SEMA3E: variants seen among roughly 807,000 people sequenced by gnomAD.
The protein encoded by SEMA3E is semaphorin-3E.
SEMA3E carries 49 observed loss-of-function variants against 93.6 expected under a neutral mutation model. That is an observed-to-expected ratio of 0.52 (90% CI 0.42 to 0.66). The LOEUF (loss-of-function observed/expected upper bound fraction) is 0.66, where lower values mean the gene tolerates loss of function less well. Ranked by LOEUF, SEMA3E falls within the 30% of genes least tolerant of loss-of-function variation. The pLI, the probability that SEMA3E is intolerant of heterozygous loss-of-function variation, is 0.00. For missense variants in SEMA3E, 906 were observed against 964.8 expected, an observed-to-expected ratio of 0.94 and a Z score of 0.81; for synonymous variants, 363 against 330.7, an observed-to-expected ratio of 1.10 and a Z score of -1.06.
At chr7:83,536,498 T>C (rs769802499) in intron 1 of SEMA3E, among the ~76,000 whole-genome samples, 1 of 152,072 alleles carries the variant, frequency 6.6e-6, no homozygotes, top group Admixed American at 6.6e-5. Context: ...TTGAAAAATA[T>C]GACAAAGATT....
chr7:83,429,494 C>T (rs533343178), intron 4 of SEMA3E, among the ~76,000 whole-genome samples: 191 of 152,308 alleles, frequency 1.3e-3, no homozygotes, highest in Non-Finnish European at 2.4e-4. Flanking sequence ...AAATATCCTT[C>T]AAACCTTATG....
At chr7:83,440,282 T>C (rs1204908586) in intron 4 of SEMA3E, among the ~76,000 whole-genome samples, 1 of 152,078 alleles carries the variant, frequency 6.6e-6, no homozygotes, top group Non-Finnish European at 1.5e-5. Context: ...GAGGAGAACA[T>C]AGGAGCCTAT....
chr7:83,499,037 CCTTT>C (rs1480505306), intron 1 of SEMA3E, among the ~76,000 whole-genome samples: 4 of 151,160 alleles, frequency 2.6e-5, no homozygotes. Context: ...TTTTTCTTTA[CCTTT>C]CTTTTCTTCA....
chr7:83,644,587 A>G (rs1464517758), intron 1 of SEMA3E, among the ~76,000 whole-genome samples: 4 of 151,912 alleles, frequency 2.6e-5, no homozygotes, highest in Admixed American at 6.6e-5. Flanking sequence ...CAGGCAAATT[A>G]CCATTACTAC....
intron 8 of SEMA3E, 58 bp from the exon 9 acceptor site, chr7:83,405,577 G>T: frequency 1.4e-6 from 2 of 1,423,976 alleles, no homozygotes; most frequent in Non-Finnish European, 2.0e-6. Flanking sequence ...TGCATGCAAA[G>T]AAAATTTATT....
chr7:83,364,408 G>C lies in SEMA3E; in HGVS notation c.*3178C>G, dbSNP rs1794636021. On this transcript the variant is annotated 3_prime_UTR_variant, in exon 17 of 17. Coordinates refer to ENST00000643230, the MANE Select transcript of SEMA3E (RefSeq NM_012431.3). ...ATAGAAAAAACTCTAAAATATGTAT[G>C]GAATTGCCACTTACTAAACAGGCAG... 1 of 152,118 alleles carries C rather than the reference G, an allele frequency of 6.6e-6. No individual in the cohort carries two copies. Among genetic ancestry groups the C allele is most frequent in the Admixed American group, 6.5e-5 (1 of 15,274 alleles). 9.4% of individuals were successfully genotyped at this position (152,118 alleles called of 1,614,324 possible).
intron 1 of SEMA3E, among the ~76,000 whole-genome samples, chr7:83,602,485 C>T (rs1793016138): frequency 1.4e-5 from 2 of 147,790 alleles, no homozygotes; most frequent in African/African-American, 5.0e-5. Flanking sequence ...TTTAGAAGCA[C>T]TTTTTTTTTT....
intron 1 of SEMA3E, among the ~76,000 whole-genome samples, chr7:83,580,401 T>C (rs1393877074): frequency 6.6e-6 from 1 of 152,044 alleles, no homozygotes; most frequent in Non-Finnish European, 1.5e-5. Context: ...GATGGCTTCC[T>C]TTCAATCATT....
intron 2 of SEMA3E, among the ~76,000 whole-genome samples, chr7:83,481,996 C>A (rs1584278666): frequency 6.6e-6 from 1 of 152,162 alleles, no homozygotes; most frequent in East Asian, 1.9e-4. Flanking sequence ...GGGAGAGTTT[C>A]AAAAAGTACC....
intron 1 of SEMA3E, among the ~76,000 whole-genome samples, chr7:83,636,179 T>C (rs1169595740): frequency 6.6e-6 from 1 of 152,172 alleles, no homozygotes; most frequent in African/African-American, 2.4e-5. Context: ...TCAAACTATA[T>C]CTTTTAATAA....
intron 4 of SEMA3E, among the ~76,000 whole-genome samples, chr7:83,425,900 C>T (rs1387864429): frequency 1.3e-5 from 2 of 151,462 alleles, no homozygotes; most frequent in Non-Finnish European, 2.9e-5. Flanking sequence ...AAAAACAACC[C>T]CATTAAAAAG....
At chr7:83,626,201 C>T (rs972016138) in intron 1 of SEMA3E, among the ~76,000 whole-genome samples, 4 of 152,146 alleles carry the variant, frequency 2.6e-5, no homozygotes, top group African/African-American at 9.7e-5. Context: ...GTTTTGCTAT[C>T]AGAATGATGT....
chr7:83,505,845 C>G (rs1790692910), intron 1 of SEMA3E, among the ~76,000 whole-genome samples: 1 of 151,490 alleles, frequency 6.6e-6, no homozygotes, highest in African/African-American at 2.4e-5. Context: ...GAAACCTCGT[C>G]TCTATTAAAA....
At chr7:83,464,509 C>T (rs1431576587) in intron 4 of SEMA3E, among the ~76,000 whole-genome samples, 1 of 110,664 alleles carries the variant, frequency 9.0e-6, no homozygotes, top group African/African-American at 2.8e-5. Flanking sequence ...TGGTGCTATC[C>T]CCAAACTGCC....
intron 4 of SEMA3E, among the ~76,000 whole-genome samples, chr7:83,453,094 C>T (rs574541102): frequency 1.8e-4 from 28 of 152,248 alleles, no homozygotes; most frequent in African/African-American, 6.7e-4. Context: ...GTGGCGCAAT[C>T]TCGGCTCACT....
chr7:83,623,515 T>C (rs1362136527), intron 1 of SEMA3E, among the ~76,000 whole-genome samples: 1 of 152,100 alleles, frequency 6.6e-6, no homozygotes, highest in African/African-American at 2.4e-5. Flanking sequence ...TAAGTATACG[T>C]TATGATTTTA....
rs781165794 is a variant in SEMA3E at position 83,406,062 on chromosome 7, GT to G, written c.814-4del. The G allele has an allele frequency of 3.7e-6, 6 of 1,602,280 alleles. No individual in the cohort carries two copies. In the South Asian group the frequency reaches 6.6e-5, roughly 18 times the overall value. On this transcript the variant is annotated splice_region_variant and splice_polypyrimidine_tract_variant and intron_variant, in intron 7 of 16. Transcript: ENST00000643230. ...ATTCTCTGCCCTCCTACATCATTCT[GT>G]GAAAACCAAAAAGGAGGTAAATAGT...
intron 1 of SEMA3E, among the ~76,000 whole-genome samples, chr7:83,497,907 T>A: frequency 6.6e-6 from 1 of 152,148 alleles, no homozygotes; most frequent in East Asian, 1.9e-4. Flanking sequence ...ATTCTCCAGT[T>A]AAAAGAAAAT....
At chr7:83,525,718 T>C (rs1183562353) in intron 1 of SEMA3E, among the ~76,000 whole-genome samples, 1 of 151,948 alleles carries the variant, frequency 6.6e-6, no homozygotes, top group Non-Finnish European at 1.5e-5. Flanking sequence ...CTGATCTTTA[T>C]GAAGATCTTT....
Sources: gnomAD v4.1 joint callset for allele counts (sites outside exome capture counted in the v4.1 genomes callset) on GRCh38, gnomAD v4.1.1 for gene constraint, MANE v1.5 for transcripts, NCBI Gene and HGNC (gene_info 2026-07-23, HGNC 2026-07-21) for gene names.